Variants in KBTBD11 observed in about 807,000 individuals in gnomAD.
The protein encoded by KBTBD11 is kelch repeat and BTB domain containing 11.
For missense variants in KBTBD11, 1,390 were observed against 1,001.8 expected (o/e 1.39, Z -5.23); for synonymous variants, 747 against 499.0 (o/e 1.50, Z -6.63).
chr8:2,001,861 C>T lies in KBTBD11; in HGVS notation c.669C>T (p.Ala223=), dbSNP rs1441296843. The T allele has an allele frequency of 1.5e-6, 2 of 1,298,646 alleles. No individual in the cohort carries two copies. The highest frequency in any genetic ancestry group is 2.0e-6 in the Non-Finnish European group (2 of 1,016,138). The allele number at this position is 1,298,646 out of a possible 1,614,324, so 80.4% of individuals were successfully genotyped here. Residue 223 remains alanine, a synonymous_variant, in exon 2 of 2, where the codon GCC becomes GCT. Transcript: ENST00000320248. ...AGCTGCCCGGCGCCGCGCAGCGCGC[C>T]ACCGACGCCGTGGGGCCGCAGCTGA... is the stretch of plus-strand genomic sequence containing the variant. ...RLQLPGAAQR[A]TDAVGPQLSL...
chr8:1,977,333 T>C (rs1011075871), intron 1 of KBTBD11, among the ~76,000 whole-genome samples: 2 of 152,168 alleles, frequency 1.3e-5, no homozygotes, highest in African/African-American at 4.8e-5. Context: ...TGTTAGCTGG[T>C]ATTGTTACTG....
At chr8:1,988,554 C>G (rs1334390371) in intron 1 of KBTBD11, among the ~76,000 whole-genome samples, 1 of 152,142 alleles carries the variant, frequency 6.6e-6, no homozygotes, top group Non-Finnish European at 1.5e-5. Flanking sequence ...CTGTTCATAT[C>G]CTTTGCCCAC....
Position 1,974,783 on chromosome 8 carries a change from G to C in KBTBD11, c.-909+848G>C, listed in dbSNP as rs969594678. 8 of 799,154 alleles carry C rather than the reference G, an allele frequency of 1.0e-5. No individual in the cohort carries two copies. In the African/African-American group the frequency reaches 1.3e-4, roughly 13 times the overall value. The allele number at this position is 799,154 out of a possible 1,614,324, so 49.5% of individuals were successfully genotyped here. ...GAACCAAAGTCCCTCCACCTCTTTA[G>C]AGTCCTACAAAACCACGTTTCCCCC... On this transcript the variant is annotated intron_variant, in intron 1 of 1. Coordinates refer to ENST00000320248, the MANE Select transcript of KBTBD11 (RefSeq NM_014867.3).
intron 1 of KBTBD11, among the ~76,000 whole-genome samples, chr8:1,978,178 G>C (rs986467592): frequency 6.6e-6 from 1 of 152,200 alleles, no homozygotes; most frequent in African/African-American, 2.4e-5. Context: ...GCCCCAGTGT[G>C]TGTTGTTCCC....
chr8:1,983,295 C>T (rs1338590317), intron 1 of KBTBD11, among the ~76,000 whole-genome samples: 1 of 152,198 alleles, frequency 6.6e-6, no homozygotes, highest in Non-Finnish European at 1.5e-5. Flanking sequence ...TCATCTAGGC[C>T]AGGTCATCAC....
intron 1 of KBTBD11, among the ~76,000 whole-genome samples, chr8:1,987,897 G>A (rs979590670): frequency 3.3e-5 from 5 of 151,662 alleles, no homozygotes; most frequent in African/African-American, 4.9e-5. Flanking sequence ...CCCAGCCCCC[G>A]ACGGGCCCCG....
At chr8:1,982,020 C>T (rs1197157295) in intron 1 of KBTBD11, among the ~76,000 whole-genome samples, 1 of 152,164 alleles carries the variant, frequency 6.6e-6, no homozygotes, top group Non-Finnish European at 1.5e-5. Flanking sequence ...TCTGTTGGTT[C>T]TGCTTCTCTG....
intron 1 of KBTBD11, among the ~76,000 whole-genome samples, chr8:1,995,293 T>G (rs140368291): frequency 1.8e-4 from 28 of 152,176 alleles, no homozygotes; most frequent in African/African-American, 6.7e-4. Context: ...TGAACCACTG[T>G]AGGAATCCTG....
chr8:1,974,226 G>C lies in KBTBD11; in HGVS notation c.-909+291G>C, dbSNP rs1449605211. ...GTCTCCGCTCCGCCTCCGGGAGGCCGCGTGGGGGGCGTGGGGGCCTCCTCG... is the reference window on the plus strand; with the variant it reads ...GTCTCCGCTCCGCCTCCGGGAGGCCCCGTGGGGGGCGTGGGGGCCTCCTCG... On this transcript the variant is annotated intron_variant, in intron 1 of 1. Transcript: ENST00000320248. The C allele has an allele frequency of 1.2e-5, 11 of 910,336 alleles. No homozygotes were observed. The African/African-American group carries it at 2.0e-4, about 16-fold the overall frequency. The allele number at this position is 910,336 out of a possible 1,614,324, so 56.4% of individuals were successfully genotyped here.
At chr8:1,993,954 C>CACACACAT (rs1037158243) in intron 1 of KBTBD11, among the ~76,000 whole-genome samples, 3 of 151,118 alleles carry the variant, frequency 2.0e-5, no homozygotes, top group Non-Finnish European at 4.4e-5. Context: ...CACACACACA[C>CACACACAT]ACACAAAACC....
chr8:1,988,278 C>G (rs968045576), intron 1 of KBTBD11, among the ~76,000 whole-genome samples: 3 of 152,310 alleles, frequency 2.0e-5, no homozygotes, highest in African/African-American at 7.2e-5. Context: ...AATGGTATTT[C>G]TACTTCTAGA....
Position 1,973,757 on chromosome 8 carries a change from C to T in KBTBD11, c.-1087C>T, listed in dbSNP as rs943057141. ...TGGAGAGGCGGAGAGGCCTGTCCAC[C>T]GCCCCCTCTGCCGCCCACGCCCCGC... On this transcript the variant is annotated 5_prime_UTR_variant, in exon 1 of 2. Coordinates refer to ENST00000320248, the MANE Select transcript of KBTBD11 (RefSeq NM_014867.3). 4.1e-6 allele frequency: 4 copies of T among 983,760 alleles called. No individual in the cohort carries two copies. Among genetic ancestry groups the T allele is most frequent in the African/African-American group, 3.5e-5 (2 of 57,086 alleles). 60.9% of individuals were successfully genotyped at this position (983,760 alleles called of 1,614,324 possible). A position where few individuals can be genotyped will look rare whatever the true frequency, so the allele number is the denominator to read the frequency against.
intron 1 of KBTBD11, among the ~76,000 whole-genome samples, chr8:1,990,192 T>A (rs886870662): frequency 1.3e-5 from 2 of 150,964 alleles, no homozygotes; most frequent in Admixed American, 6.6e-5. Context: ...GGGTAGATGC[T>A]GGGCCTTGGC....
At chr8:1,995,239 C>T (rs760262410) in intron 1 of KBTBD11, among the ~76,000 whole-genome samples, 4 of 151,924 alleles carry the variant, frequency 2.6e-5, no homozygotes, top group Non-Finnish European at 5.9e-5. Context: ...ATATTGCTTA[C>T]AATTGGCTTT....
At chr8:1,986,898 C>T (rs554117728) in intron 1 of KBTBD11, among the ~76,000 whole-genome samples, 1 of 149,488 alleles carries the variant, frequency 6.7e-6, no homozygotes, top group South Asian at 2.1e-4. Flanking sequence ...TGAGGCCAGG[C>T]GTGGTGCCTC....
intron 1 of KBTBD11, among the ~76,000 whole-genome samples, chr8:1,993,009 C>T (rs940224411): frequency 2.0e-5 from 3 of 152,068 alleles, no homozygotes; most frequent in Non-Finnish European, 4.4e-5. Flanking sequence ...ATGATCTTGA[C>T]TCACTGCAGC....
chr8:1,997,208 G>T (rs1038359581), intron 1 of KBTBD11, among the ~76,000 whole-genome samples: 5 of 152,130 alleles, frequency 3.3e-5, no homozygotes, highest in African/African-American at 1.2e-4. Context: ...CCTCTTAGTG[G>T]AATTCTGATT....
chr8:1,977,940 T>C (rs1383716905), intron 1 of KBTBD11, among the ~76,000 whole-genome samples: 2 of 152,256 alleles, frequency 1.3e-5, no homozygotes, highest in African/African-American at 4.8e-5. Flanking sequence ...ACGACCCTTG[T>C]TCCAATATCA....
At chr8:1,989,469 C>A (rs372449276) in intron 1 of KBTBD11, among the ~76,000 whole-genome samples, 75 of 152,342 alleles carry the variant, frequency 4.9e-4, no homozygotes, top group African/African-American at 1.7e-3. Flanking sequence ...AAGGACATCT[C>A]ATTCCTCTTC....
Sources: gnomAD v4.1 joint callset for allele counts (sites outside exome capture counted in the v4.1 genomes callset) on GRCh38, gnomAD v4.1.1 for gene constraint, MANE v1.5 for transcripts, NCBI Gene and HGNC (gene_info 2026-07-23, HGNC 2026-07-21) for gene names.